Variants in RPA3 observed in about 807,000 individuals in gnomAD.
The protein encoded by RPA3 is replication protein A3.
In RPA3, 24 loss-of-function variants were observed where a neutral mutation model predicts 13.7. That is an observed-to-expected ratio of 1.75 (90% CI 1.27 to 2.46). The LOEUF (loss-of-function observed/expected upper bound fraction) is 2.46, where lower values mean the gene tolerates loss of function less well. Ranked by LOEUF, RPA3 falls within the 30% of genes most tolerant of loss-of-function variation. RPA3 has a pLI of 0.00. For missense variants in RPA3, 183 were observed against 151.0 expected, an observed-to-expected ratio of 1.21 and a Z score of -1.11; for synonymous variants, 59 against 51.2, an observed-to-expected ratio of 1.15 and a Z score of -0.65.
chr7:7,701,285 T>G (rs911479101), intron 2 of RPA3, among the ~76,000 whole-genome samples: 2 of 152,186 alleles, frequency 1.3e-5, no homozygotes, highest in Non-Finnish European at 2.9e-5. Flanking sequence ...AATTTGTGGC[T>G]GAGAAAGTTA....
At chr7:7,642,211 T>C (rs1784989897) in intron 4 of RPA3, among the ~76,000 whole-genome samples, 1 of 152,198 alleles carries the variant, frequency 6.6e-6, no homozygotes, top group African/African-American at 2.4e-5. Flanking sequence ...CATAGCTCAC[T>C]GCAGCCTTTA....
At chr7:7,639,216 T>A (rs1308158334) in intron 5 of RPA3, 72 bp from the exon 6 acceptor site, 4 of 1,100,922 alleles carry the variant, frequency 3.6e-6, no homozygotes, top group Non-Finnish European at 5.4e-6. Context: ...AGTACATTGA[T>A]CCTTAGTTGA....
intron 2 of RPA3, among the ~76,000 whole-genome samples, chr7:7,706,799 C>T (rs1170067867): frequency 1.3e-5 from 2 of 152,060 alleles, no homozygotes; most frequent in Non-Finnish European, 2.9e-5. Context: ...GCTCTTAATC[C>T]GTATGTTCTA....
At chr7:7,659,993 G>A (rs1785434895) in intron 4 of RPA3, among the ~76,000 whole-genome samples, 1 of 152,158 alleles carries the variant, frequency 6.6e-6, no homozygotes, top group Non-Finnish European at 1.5e-5. Context: ...TCCTGTATTG[G>A]AGGCATATAT....
intron 4 of RPA3, among the ~76,000 whole-genome samples, chr7:7,677,660 T>G (rs555992853): frequency 0.014 from 447 of 32,524 alleles, 5 homozygotes; most frequent in African/African-American, 0.026. Flanking sequence ...TCATCTGTTT[T>G]TTTGTTTTTT....
chr7:7,699,441 A>G (rs918886878), intron 2 of RPA3, among the ~76,000 whole-genome samples: 3 of 152,162 alleles, frequency 2.0e-5, no homozygotes, highest in Admixed American at 1.3e-4. Flanking sequence ...TTTAGTTTTT[A>G]CTTACACTAA....
At chr7:7,673,325 CAG>C (rs1563107924) in intron 4 of RPA3, 2 of 1,077,696 alleles carry the variant, frequency 1.9e-6, no homozygotes, top group Non-Finnish European at 2.7e-6. Flanking sequence ...GCAGCAGCAG[CAG>C]CAGCAGCAGC....
intron 4 of RPA3, among the ~76,000 whole-genome samples, chr7:7,647,669 G>GT (rs1563080988): frequency 6.6e-6 from 1 of 152,212 alleles, no homozygotes; most frequent in Non-Finnish European, 1.5e-5. Context: ...CTGCAGTGGC[G>GT]TGATTGTGGT....
At chr7:7,692,037 TAGTAC>T (rs1216232871) in intron 2 of RPA3, among the ~76,000 whole-genome samples, 2 of 152,184 alleles carry the variant, frequency 1.3e-5, no homozygotes, top group Admixed American at 6.5e-5. Flanking sequence ...CTTCTACACA[TAGTAC>T]AGTATGTTGA....
At chr7:7,650,099 ACTT>A (rs1230828085) in intron 4 of RPA3, among the ~76,000 whole-genome samples, 2 of 152,236 alleles carry the variant, frequency 1.3e-5, no homozygotes, top group Non-Finnish European at 2.9e-5. Flanking sequence ...GTCGAAAGTT[ACTT>A]TGGGTCAAGA....
chr7:7,665,863 A>G (rs1211152516), intron 4 of RPA3, among the ~76,000 whole-genome samples: 1 of 148,492 alleles, frequency 6.7e-6, no homozygotes, highest in Non-Finnish European at 1.5e-5. Flanking sequence ...TGTAGCATGT[A>G]TCACTATTTT....
At chr7:7,649,543 G>T (rs9791868) in intron 4 of RPA3, among the ~76,000 whole-genome samples, 101,007 of 151,942 alleles carry the variant, frequency 0.66, 34,033 homozygotes, top group East Asian at 0.88. Flanking sequence ...TTCCACGTCA[G>T]TTTTTTGCTT....
Position 7,643,030 on chromosome 7 carries a change from A to T in RPA3, c.-757-1855T>A, listed in dbSNP as rs1433239533. On this transcript the variant is annotated intron_variant, in intron 4 of 7. Coordinates refer to ENST00000223129, the MANE Select transcript of RPA3 (RefSeq NM_002947.5). Reference sequence around the variant, plus strand: ...TAGATCATATTTTTTTTTCTGTTACAGGTAGGCATGAGTGGGACAGTAGTG... The same window carrying T: ...TAGATCATATTTTTTTTTCTGTTACTGGTAGGCATGAGTGGGACAGTAGTG... Among the ~76,000 whole-genome samples, 5 of 152,122 alleles carry T rather than the reference A, an allele frequency of 3.3e-5. No homozygotes were observed. The East Asian group carries it at 5.8e-4, about 18-fold the overall frequency.
At position 7,637,096 on chromosome 7, in the gene RPA3, T is replaced by G. The variant is rs1784878366; in HGVS notation, c.284-14A>C. On this transcript the variant is annotated splice_polypyrimidine_tract_variant and intron_variant, in intron 7 of 7. Transcript: ENST00000223129. ...AAAGTCCAAGATCTGAAAGAAACATTTAAGCAAACATTTAATCTACAATGG... is the reference window on the plus strand; with the variant it reads ...AAAGTCCAAGATCTGAAAGAAACATGTAAGCAAACATTTAATCTACAATGG... 2 of 1,540,378 alleles carry G rather than the reference T, an allele frequency of 1.3e-6. No individual in the cohort carries two copies. Among genetic ancestry groups the G allele is most frequent in the Non-Finnish European group, 1.8e-6 (2 of 1,114,358 alleles).
rs1383283068 is a variant in RPA3 at position 7,640,328 on chromosome 7, G to C, written c.91C>G (p.Leu31Val). The C allele has an allele frequency of 6.2e-7, 1 of 1,613,952 alleles. No homozygotes were observed. The highest frequency in any genetic ancestry group is 8.5e-7 in the Non-Finnish European group (1 of 1,179,932). Residue 31 changes from leucine (L) to valine (V), a missense_variant, in exon 5 of 8, where the codon CTG becomes GTG. Transcript: ENST00000223129. ...ATTGCGAACCCGCACACCTTTTCCA[G>C]CCTCCCTACGAAGCAGACAGGCTTG... The part of the protein sequence containing the change: ...IDKPVCFVGR[L>V]EKIHPTGKMF...
chr7:7,694,902 T>A (rs920320587), intron 2 of RPA3, among the ~76,000 whole-genome samples: 3 of 152,178 alleles, frequency 2.0e-5, no homozygotes, highest in Non-Finnish European at 4.4e-5. Context: ...GGGATACACC[T>A]AGCAGTGGGA....
At chr7:7,691,599 T>C (rs1046809420) in intron 2 of RPA3, among the ~76,000 whole-genome samples, 3 of 152,224 alleles carry the variant, frequency 2.0e-5, no homozygotes, top group Non-Finnish European at 1.5e-5. Context: ...TTTCAGATCA[T>C]TTTGCTGGGG....
Position 7,669,278 on chromosome 7 carries a change from C to T in RPA3, c.-758+16552G>A, listed in dbSNP as rs548762175. ...CGGTATTTTGATATAGGGTCTGACA[C>T]ACTGTAGGAACTCAGTAAATGTTAG... On this transcript the variant is annotated intron_variant, in intron 4 of 7. Coordinates refer to ENST00000223129, the MANE Select transcript of RPA3 (RefSeq NM_002947.5). Among the ~76,000 whole-genome samples the T allele has an allele frequency of 3.3e-5, 5 of 152,264 alleles. No homozygotes were observed. In the South Asian group the frequency reaches 1.0e-3, roughly 32 times the overall value.
chr7:7,686,693 T>C (rs1417632358), intron 3 of RPA3, among the ~76,000 whole-genome samples: 1 of 152,202 alleles, frequency 6.6e-6, no homozygotes, highest in African/African-American at 2.4e-5. Context: ...CTTCTTTAGC[T>C]TCACTGTGAT....
Sources: gnomAD v4.1 joint callset for allele counts (sites outside exome capture counted in the v4.1 genomes callset) on GRCh38, gnomAD v4.1.1 for gene constraint, MANE v1.5 for transcripts, NCBI Gene and HGNC (gene_info 2026-07-23, HGNC 2026-07-21) for gene names.